Variants in FBXW11 observed in about 807,000 individuals in gnomAD.
FBXW11 encodes the protein F-box/WD repeat-containing protein 11.
In FBXW11, 19 loss-of-function variants were observed where a neutral mutation model predicts 77.6. The observed-to-expected ratio is 0.24, with a 90% CI of 0.17 to 0.36. The LOEUF is 0.36. Among genes scored for constraint, FBXW11 ranks in the 10% least tolerant of loss-of-function variants. The pLI is 1.00. For missense variants in FBXW11, 334 were observed against 704.2 expected, an observed-to-expected ratio of 0.47 and a Z score of 5.95; for synonymous variants, 235 against 249.4, an observed-to-expected ratio of 0.94 and a Z score of 0.54.
intron 1 of FBXW11, among the ~76,000 whole-genome samples, chr5:172,001,814 T>C (rs186197744): frequency 9.0e-4 from 137 of 152,362 alleles, no homozygotes; most frequent in African/African-American, 3.1e-3. Flanking sequence ...AGATATAACC[T>C]AAGCCAATTT....
At chr5:171,898,914 G>T in intron 6 of FBXW11, 90 bp downstream of exon 6, 1 of 729,952 alleles carries the variant, frequency 1.4e-6, no homozygotes, top group Non-Finnish European at 2.1e-6. Flanking sequence ...TTAGTTCTAC[G>T]ATTTTAGACC....
At chr5:171,926,845 A>G (rs1761915736) in intron 2 of FBXW11, among the ~76,000 whole-genome samples, 1 of 152,238 alleles carries the variant, frequency 6.6e-6, no homozygotes, top group Non-Finnish European at 1.5e-5. Context: ...AGCACTTAGA[A>G]TAATTCCCAG....
intron 2 of FBXW11, among the ~76,000 whole-genome samples, chr5:171,957,227 C>G (rs1763660053): frequency 6.6e-6 from 1 of 152,148 alleles, no homozygotes; most frequent in African/African-American, 2.4e-5. Context: ...AAAAAAATCA[C>G]CACTTTAATT....
At chr5:171,919,858 T>G (rs1761479543) in intron 2 of FBXW11, among the ~76,000 whole-genome samples, 1 of 152,118 alleles carries the variant, frequency 6.6e-6, no homozygotes, top group South Asian at 2.1e-4. Context: ...CTTCCCACCA[T>G]CACAAAGAAA....
At chr5:171,917,155 G>A (rs535058816) in intron 2 of FBXW11, among the ~76,000 whole-genome samples, 6 of 152,226 alleles carry the variant, frequency 3.9e-5, no homozygotes, top group Admixed American at 6.5e-5. Context: ...TCTTGAACTC[G>A]TGATCTGCCC....
chr5:171,947,230 A>G (rs571136232), intron 2 of FBXW11, among the ~76,000 whole-genome samples: 1 of 152,328 alleles, frequency 6.6e-6, no homozygotes, highest in East Asian at 1.9e-4. Flanking sequence ...TAAGAACATC[A>G]TAAGTCATTT....
intron 2 of FBXW11, among the ~76,000 whole-genome samples, chr5:171,933,839 A>G (rs1348693410): frequency 1.3e-5 from 2 of 152,078 alleles, no homozygotes; most frequent in African/African-American, 4.8e-5. Flanking sequence ...GACACATGCA[A>G]TTTTCATCTA....
At chr5:171,988,273 C>T (rs576415893) in intron 1 of FBXW11, among the ~76,000 whole-genome samples, 44 of 152,202 alleles carry the variant, frequency 2.9e-4, no homozygotes, top group Admixed American at 2.4e-3. Context: ...GATTCCTGAT[C>T]ACCTTATGGA....
At chr5:171,934,448 C>T (rs549586117) in intron 2 of FBXW11, among the ~76,000 whole-genome samples, 1 of 152,122 alleles carries the variant, frequency 6.6e-6, no homozygotes, top group African/African-American at 2.4e-5. Context: ...GGGGCCGAGG[C>T]ATGCAGATCA....
chr5:171,966,749 A>G (rs994496266), intron 1 of FBXW11, among the ~76,000 whole-genome samples: 5 of 152,210 alleles, frequency 3.3e-5, no homozygotes, highest in Non-Finnish European at 5.9e-5. Flanking sequence ...GTTGTTCAGG[A>G]CTAGGGCGAG....
intron 2 of FBXW11, among the ~76,000 whole-genome samples, chr5:171,951,663 G>C (rs1168833898): frequency 6.6e-6 from 1 of 152,064 alleles, no homozygotes; most frequent in Non-Finnish European, 1.5e-5. Flanking sequence ...GCTAATTTTT[G>C]TATTTTTAGT....
In FBXW11 at chr5:171,876,193, G is replaced by T; in HGVS notation, c.1221+92C>A. The T allele has an allele frequency of 1.4e-6, 2 of 1,459,268 alleles. No individual in the cohort carries two copies. Among genetic ancestry groups the T allele is most frequent in the Admixed American group, 1.7e-5 (1 of 57,480 alleles). 90.4% of individuals were successfully genotyped at this position (1,459,268 alleles called of 1,614,324 possible). A position where few individuals can be genotyped will look rare whatever the true frequency, so the allele number is the denominator to read the frequency against. On this transcript the variant is annotated intron_variant, in intron 9 of 13. Coordinates refer to ENST00000517395, the MANE Select transcript of FBXW11 (RefSeq NM_001378974.1). The surrounding 1 kb of genome is among the most constrained non-coding windows in gnomAD (Gnocchi z 4.2). ...AAGCACAGAGGAGAATAAAGATCTT[G>T]CCAGGTACCAGGTTGGTATAAGCCA...
chr5:171,900,948 CTG>C (rs1760076606), intron 4 of FBXW11, among the ~76,000 whole-genome samples: 2 of 152,204 alleles, frequency 1.3e-5, no homozygotes, highest in Admixed American at 1.3e-4. Flanking sequence ...AACTCCCATC[CTG>C]TGGCGGTAAG....
intron 2 of FBXW11, among the ~76,000 whole-genome samples, chr5:171,952,396 ATG>A (rs140336294): frequency 0.027 from 3,030 of 110,542 alleles, 158 homozygotes; most frequent in African/African-American, 0.078. Context: ...GTGTGTGTAT[ATG>A]TGTGTGTGTG....
At chr5:172,005,609 A>G (rs947864147) in intron 1 of FBXW11, among the ~76,000 whole-genome samples, 2 of 151,878 alleles carry the variant, frequency 1.3e-5, no homozygotes, top group Non-Finnish European at 2.9e-5. Flanking sequence ...GTGGTTTCTA[A>G]CAGAAGAGTG....
intron 1 of FBXW11, among the ~76,000 whole-genome samples, chr5:172,001,606 T>C (rs1766415772): frequency 1.3e-5 from 2 of 152,208 alleles, no homozygotes; most frequent in Non-Finnish European, 1.5e-5. Flanking sequence ...GCCTGAAATA[T>C]GTTAAGTGCT....
intron 2 of FBXW11, among the ~76,000 whole-genome samples, chr5:171,956,510 C>T (rs967370674): frequency 1.3e-5 from 2 of 152,232 alleles, no homozygotes; most frequent in Non-Finnish European, 2.9e-5. Context: ...TCAATAACCA[C>T]ACCAGTGCTA....
At chr5:171,888,496 C>T (rs1045286704) in intron 7 of FBXW11, among the ~76,000 whole-genome samples, 3 of 152,202 alleles carry the variant, frequency 2.0e-5, no homozygotes, top group African/African-American at 4.8e-5. Flanking sequence ...TTAGAGCCAT[C>T]CCCGCAACCC....
At chr5:171,901,772 G>T (rs1760130635) in intron 4 of FBXW11, among the ~76,000 whole-genome samples, 1 of 152,134 alleles carries the variant, frequency 6.6e-6, no homozygotes, top group African/African-American at 2.4e-5. Context: ...GAAAGGTGGG[G>T]GGCAGCTTTG....
Sources: allele counts gnomAD v4.1 joint callset (sites outside exome capture counted in the v4.1 genomes callset), GRCh38; gene constraint gnomAD v4.1.1; non-coding constraint Gnocchi (gnomAD v3.1); transcripts MANE v1.5; gene names NCBI Gene and HGNC (gene_info 2026-07-23, HGNC 2026-07-21).